PRKN: variants seen among roughly 807,000 people sequenced by gnomAD.
PRKN encodes parkin RBR E3 ubiquitin protein ligase, also known as E3 ubiquitin-protein ligase parkin.
PRKN carries 56 observed loss-of-function variants against 59.5 expected under a neutral mutation model. The ratio of observed to expected loss-of-function variants is 0.94; its 90% confidence interval spans 0.76 to 1.18. The LOEUF is 1.18. PRKN is among the 50% of genes most tolerant of loss of function. The probability of loss-of-function intolerance (pLI) is 0.00; values close to 1 mark genes in which losing one functional copy is unlikely to be tolerated. For synonymous variants in PRKN, 250 were observed against 222.1 expected (o/e 1.13, Z -1.12); for missense variants, 657 against 596.4 (o/e 1.10, Z -1.06).
chr6:162,193,465 T>C (rs1784372718), intron 4 of PRKN, among the ~76,000 whole-genome samples: 1 of 152,180 alleles, frequency 6.6e-6, no homozygotes, highest in South Asian at 2.1e-4. Flanking sequence ...CCTTCGGCTA[T>C]CACTCCTCCC....
At chr6:161,514,382 C>A (rs1435119158) in intron 9 of PRKN, among the ~76,000 whole-genome samples, 2 of 151,996 alleles carry the variant, frequency 1.3e-5, no homozygotes, top group Admixed American at 6.6e-5. Context: ...CCATATAAGG[C>A]TGGGACTGGG....
chr6:161,879,177 C>T (rs542808985), intron 6 of PRKN, among the ~76,000 whole-genome samples: 4 of 152,214 alleles, frequency 2.6e-5, no homozygotes, highest in Admixed American at 2.0e-4. Context: ...GCTATGAGAA[C>T]ATCACATGCA....
intron 4 of PRKN, among the ~76,000 whole-genome samples, chr6:162,122,716 T>TTCTA (rs71544924): frequency 0.28 from 41,002 of 147,748 alleles, 5,711 homozygotes; most frequent in African/African-American, 0.29. Flanking sequence ...GCTCAATCTG[T>TTCTA]TCTATCTATC....
Position 161,592,029 on chromosome 6 carries a change from C to T in PRKN, c.872-22613G>A, listed in dbSNP as rs918977486. Among the ~76,000 whole-genome samples, 1 of 152,128 alleles carries T rather than the reference C, an allele frequency of 6.6e-6. No homozygotes were observed. The highest frequency in any genetic ancestry group is 2.4e-5 in the African/African-American group (1 of 41,426). On this transcript the variant is annotated intron_variant, in intron 7 of 11. Coordinates refer to ENST00000366898, the MANE Select transcript of PRKN (RefSeq NM_004562.3). This position sits in a 1 kb window ranked among gnomAD's most constrained non-coding sequence, Gnocchi z 4.8. ...CAATGATGTAGTATTTCTATATAAC[C>T]TATGCACATCCTCCCATATACTTAA... is the stretch of plus-strand genomic sequence containing the variant.
chr6:161,404,375 AGAG>A (rs1392553026), intron 9 of PRKN, among the ~76,000 whole-genome samples: 12 of 152,206 alleles, frequency 7.9e-5, no homozygotes, highest in Admixed American at 3.9e-4. Flanking sequence ...GAGCAGTCAC[AGAG>A]GAGGAGATGA....
intron 2 of PRKN, among the ~76,000 whole-genome samples, chr6:162,390,501 G>C (rs908115756): frequency 2.0e-5 from 3 of 150,342 alleles, no homozygotes; most frequent in African/African-American, 7.4e-5. Context: ...GAGTGCACTG[G>C]CACAATCTCA....
intron 1 of PRKN, among the ~76,000 whole-genome samples, chr6:162,642,060 A>C (rs1777984908): frequency 6.6e-6 from 1 of 152,200 alleles, no homozygotes; most frequent in Admixed American, 6.6e-5. Flanking sequence ...ACACAAATGC[A>C]CTTACACAGT....
At chr6:162,650,553 C>A (rs1462186235) in intron 1 of PRKN, among the ~76,000 whole-genome samples, 1 of 147,926 alleles carries the variant, frequency 6.8e-6, no homozygotes, top group Non-Finnish European at 1.5e-5. Flanking sequence ...AGCCGAGATC[C>A]CGCCACTGCA....
intron 4 of PRKN, among the ~76,000 whole-genome samples, chr6:162,177,397 C>T (rs1161438605): frequency 6.6e-6 from 1 of 152,100 alleles, no homozygotes; most frequent in African/African-American, 2.4e-5. Context: ...CTTGTATCAG[C>T]GGTTTCTACC....
intron 1 of PRKN, among the ~76,000 whole-genome samples, chr6:162,584,895 C>CCCTCT (rs764236711): frequency 0.013 from 806 of 60,398 alleles, 89 homozygotes; most frequent in East Asian, 0.054. Context: ...CCCTCCCCTC[C>CCCTCT]CCTCTCCTCT....
chr6:161,855,769 C>A (rs1248791144), intron 6 of PRKN, among the ~76,000 whole-genome samples: 3 of 152,048 alleles, frequency 2.0e-5, no homozygotes, highest in Non-Finnish European at 4.4e-5. Context: ...ATCTTGTTAC[C>A]CAACTGGATA....
At chr6:161,953,756 T>C (rs1232740089) in intron 6 of PRKN, among the ~76,000 whole-genome samples, 1 of 152,040 alleles carries the variant, frequency 6.6e-6, no homozygotes, top group African/African-American at 2.4e-5. Flanking sequence ...TCCGAACACA[T>C]CAGCAGGAAG....
chr6:161,637,048 C>T (rs946840980), intron 7 of PRKN, among the ~76,000 whole-genome samples: 10 of 152,194 alleles, frequency 6.6e-5, no homozygotes, highest in East Asian at 1.9e-4. Context: ...TGATGGAGCA[C>T]GACCTCATAA....
intron 3 of PRKN, among the ~76,000 whole-genome samples, chr6:162,220,936 G>C (rs1777902307): frequency 1.3e-5 from 2 of 152,192 alleles, no homozygotes. Flanking sequence ...TGAATGTATT[G>C]AGCTAAATTA....
At chr6:162,004,452 T>C (rs570163141) in intron 5 of PRKN, among the ~76,000 whole-genome samples, 9 of 152,300 alleles carry the variant, frequency 5.9e-5, no homozygotes, top group African/African-American at 1.9e-4. Flanking sequence ...TATTTCTTTA[T>C]AGCAGAGCAA....
chr6:162,685,949 G>A (rs1463703409), intron 1 of PRKN, among the ~76,000 whole-genome samples: 1 of 152,096 alleles, frequency 6.6e-6, no homozygotes, highest in Non-Finnish European at 1.5e-5. Context: ...CCTCTGCTTT[G>A]CATGCAATAG....
intron 4 of PRKN, among the ~76,000 whole-genome samples, chr6:162,188,144 A>G (rs1236267430): frequency 6.6e-6 from 1 of 152,182 alleles, no homozygotes; most frequent in Non-Finnish European, 1.5e-5. Flanking sequence ...ACCTTCCACC[A>G]GAAGTGTGAG....
chr6:162,613,147 T>C (rs1012158964), intron 1 of PRKN, among the ~76,000 whole-genome samples: 1 of 152,190 alleles, frequency 6.6e-6, no homozygotes, highest in Non-Finnish European at 1.5e-5. Flanking sequence ...GTCTCTCAGT[T>C]TGTAGCATTT....
Position 162,371,948 on chromosome 6 carries a change from T to A in PRKN, c.171+71362A>T, listed in dbSNP as rs140726935. Among the ~76,000 whole-genome samples the A allele has an allele frequency of 3.7e-3, 558 of 152,258 alleles. 5 individuals are homozygous for A. The highest frequency in any genetic ancestry group is 0.012 in the African/African-American group (513 of 41,560). Reference sequence around the variant, plus strand: ...AAGTGGAAACATTAGAAGGGCATGATTGGCAGATTATTTTGCTCCAGCACC... The same window carrying A: ...AAGTGGAAACATTAGAAGGGCATGAATGGCAGATTATTTTGCTCCAGCACC... On this transcript the variant is annotated intron_variant, in intron 2 of 11. Coordinates refer to ENST00000366898, the MANE Select transcript of PRKN (RefSeq NM_004562.3).
Sources: gnomAD v4.1 joint callset for allele counts (sites outside exome capture counted in the v4.1 genomes callset) on GRCh38, gnomAD v4.1.1 for gene constraint, Gnocchi (gnomAD v3.1) non-coding constraint, MANE v1.5 for transcripts, NCBI Gene and HGNC (gene_info 2026-07-23, HGNC 2026-07-21) for gene names.